Variants in PCDHA3 observed in about 807,000 individuals in gnomAD.
PCDHA3 encodes protocadherin alpha 3, also known as protocadherin alpha-3.
PCDHA3 carries 41 observed loss-of-function variants against 62.2 expected under a neutral mutation model. That is an observed-to-expected ratio of 0.66 (90% CI 0.51 to 0.86). The LOEUF is 0.86. PCDHA3 is among the 40% of genes least tolerant of loss of function. The pLI is 0.00. For synonymous variants in PCDHA3, 640 were observed against 555.4 expected (o/e 1.15, Z -2.14); for missense variants, 1,304 against 1,241.2 (o/e 1.05, Z -0.76).
At chr5:140,869,926 G>T in intron 1 of PCDHA3, 1 of 1,611,516 alleles carries the variant, frequency 6.2e-7, no homozygotes, top group Non-Finnish European at 8.5e-7. Flanking sequence ...AGGAGTCAAT[G>T]GAGAGGTAAC....
chr5:140,802,592 G>A lies in PCDHA3; in HGVS notation c.1395G>A (p.Lys465=), dbSNP rs781901729. Residue 465 remains lysine, a synonymous_variant, in exon 1 of 4, where the codon AAG becomes AAA. Coordinates refer to ENST00000522353, the MANE Select transcript of PCDHA3 (RefSeq NM_018906.3). ...FSQSEYTVFV[K]ENNPPGCHIF... Reference sequence around the variant, plus strand: ...AGTCCGAGTACACGGTGTTCGTGAAGGAGAACAACCCGCCGGGCTGCCACA... The same window carrying A: ...AGTCCGAGTACACGGTGTTCGTGAAAGAGAACAACCCGCCGGGCTGCCACA... 6 of 1,613,922 alleles carry A rather than the reference G, an allele frequency of 3.7e-6. No homozygotes were observed. The South Asian group carries it at 4.4e-5, about 12-fold the overall frequency.
At chr5:140,876,649 G>A (rs372867848) in intron 1 of PCDHA3, 6 of 1,614,222 alleles carry the variant, frequency 3.7e-6, no homozygotes, top group Non-Finnish European at 5.1e-6. Flanking sequence ...GACACCTCAT[G>A]TTCCCTTCAA....
intron 1 of PCDHA3, chr5:140,884,831 A>G (rs918582598): frequency 4.3e-6 from 4 of 939,604 alleles, no homozygotes; most frequent in Non-Finnish European, 6.0e-6. Flanking sequence ...GTGTTGGATT[A>G]TCCTTCAGAG....
intron 3 of PCDHA3, among the ~76,000 whole-genome samples, chr5:141,005,634 G>A (rs782404455): frequency 4.8e-5 from 7 of 146,670 alleles, no homozygotes; most frequent in Middle Eastern, 3.6e-3. Flanking sequence ...CCCGGGAGGC[G>A]GAGCTTGCAG....
intron 1 of PCDHA3, chr5:140,927,020 T>G: frequency 6.2e-7 from 1 of 1,612,524 alleles, no homozygotes; most frequent in Non-Finnish European, 8.5e-7. Flanking sequence ...TCCGCGGACT[T>G]GAGGCTGCCA....
intron 1 of PCDHA3, among the ~76,000 whole-genome samples, chr5:140,956,370 A>G (rs1229960310): frequency 6.6e-6 from 1 of 152,152 alleles, no homozygotes; most frequent in East Asian, 1.9e-4. Context: ...GGGATGTTGA[A>G]TTTTATCGAA....
Position 140,801,951 on chromosome 5 carries a change from C to T in PCDHA3, c.754C>T (p.Leu252Phe), listed in dbSNP as rs1554121782. ...FERTIYKVRL[L>F]ENAPNGTLVV... is the part of the protein sequence containing the mutation. ...GAGGACGATCTATAAAGTCAGATTA[C>T]TCGAAAATGCACCAAATGGTACCCT... The change falls in exon 1 of 4, where the codon CTC (leucine) becomes TTC (phenylalanine). Residue 252 changes from leucine (L) to phenylalanine (F), a missense_variant. Coordinates refer to ENST00000522353, the MANE Select transcript of PCDHA3 (RefSeq NM_018906.3). The T allele has an allele frequency of 6.2e-7, 1 of 1,614,200 alleles. No individual in the cohort carries two copies. Among genetic ancestry groups the T allele is most frequent in the East Asian group, 2.2e-5 (1 of 44,888 alleles).
intron 1 of PCDHA3, chr5:140,866,786 T>C (rs368538353): frequency 6.6e-6 from 1 of 152,286 alleles, no homozygotes; most frequent in African/African-American, 2.4e-5. Context: ...TCCTGACTGA[T>C]ATAGTAAAAG....
chr5:140,817,496 T>C (rs2150047140), intron 1 of PCDHA3: 1 of 152,366 alleles, frequency 6.6e-6, no homozygotes, highest in African/African-American at 2.4e-5. Context: ...AAGCTATATA[T>C]GCTTTTACAA....
At chr5:140,873,009 T>C (rs1397141967) in intron 1 of PCDHA3, among the ~76,000 whole-genome samples, 1 of 152,224 alleles carries the variant, frequency 6.6e-6, no homozygotes, top group African/African-American at 2.4e-5. Context: ...TCATTCTTCA[T>C]ATTTAGTTAT....
intron 1 of PCDHA3, chr5:140,966,708 C>T (rs1033433543): frequency 1.7e-5 from 23 of 1,384,632 alleles, no homozygotes; most frequent in African/African-American, 6.1e-5. Context: ...GCGTGGGGCA[C>T]GGCTGGGGAA....
intron 1 of PCDHA3, among the ~76,000 whole-genome samples, chr5:140,925,464 A>G (rs1181531744): frequency 6.6e-6 from 1 of 152,114 alleles, no homozygotes; most frequent in Non-Finnish European, 1.5e-5. Flanking sequence ...GTTGTGGCTC[A>G]GAGATGTTTC....
At chr5:140,868,826 G>A in intron 1 of PCDHA3, 1 of 406,060 alleles carries the variant, frequency 2.5e-6, no homozygotes, top group Non-Finnish European at 4.3e-6. Flanking sequence ...TTTGGGGGAA[G>A]AAACCCAAAA....
intron 3 of PCDHA3, among the ~76,000 whole-genome samples, chr5:140,987,234 A>G (rs2097240958): frequency 6.6e-6 from 1 of 151,980 alleles, no homozygotes; most frequent in Non-Finnish European, 1.5e-5. Context: ...AAAATAATAA[A>G]TAAAGAAAGA....
At position 140,808,912 on chromosome 5, in the gene PCDHA3, C is replaced by T. The variant is rs538609667; in HGVS notation, c.2394+5321C>T. The T allele has an allele frequency of 9.9e-6, 16 of 1,613,494 alleles. No homozygotes were observed. The South Asian group carries it at 1.1e-4, about 11-fold the overall frequency. On this transcript the variant is annotated intron_variant, in intron 1 of 3. Coordinates refer to ENST00000522353, the MANE Select transcript of PCDHA3 (RefSeq NM_018906.3). ...CGCCTCGGGCGGGTGGCACTGGTGGCGCAGTGAGCGAGCTGGTGCCATGGT... is the reference window on the plus strand; with the variant it reads ...CGCCTCGGGCGGGTGGCACTGGTGGTGCAGTGAGCGAGCTGGTGCCATGGT...
intron 1 of PCDHA3, among the ~76,000 whole-genome samples, chr5:140,892,991 A>G (rs1477087965): frequency 1.3e-5 from 2 of 152,196 alleles, no homozygotes; most frequent in African/African-American, 2.4e-5. Context: ...TATAAGTGAG[A>G]ACATGTATTT....
intron 1 of PCDHA3, among the ~76,000 whole-genome samples, chr5:140,838,108 GT>G (rs1775540163): frequency 6.7e-6 from 1 of 149,734 alleles, no homozygotes; most frequent in Admixed American, 6.7e-5. Flanking sequence ...GTGTGTGTGT[GT>G]GTGTGTGTGT....
chr5:140,808,294 C>A, intron 1 of PCDHA3: 2 of 1,614,274 alleles, frequency 1.2e-6, no homozygotes, highest in Middle Eastern at 1.7e-4. Flanking sequence ...GTACAGTCAT[C>A]GCCCTGATCA....
intron 1 of PCDHA3, among the ~76,000 whole-genome samples, chr5:140,954,491 T>C (rs1554221443): frequency 6.6e-6 from 1 of 152,264 alleles, no homozygotes; most frequent in Non-Finnish European, 1.5e-5. Flanking sequence ...TATTTCATTG[T>C]GGTTTTGATT....
Sources: gnomAD v4.1 joint callset for allele counts (sites outside exome capture counted in the v4.1 genomes callset) on GRCh38, gnomAD v4.1.1 for gene constraint, MANE v1.5 for transcripts, NCBI Gene and HGNC (gene_info 2026-07-23, HGNC 2026-07-21) for gene names.